Variants in CAST observed in about 807,000 individuals in gnomAD.
CAST encodes MIR583 host.
A neutral mutation model predicts 119.6 loss-of-function variants in CAST; 76 were observed. The ratio of observed to expected loss-of-function variants is 0.64; its 90% CI spans 0.53 to 0.77. The LOEUF (loss-of-function observed/expected upper bound fraction) is 0.77, where lower values mean the gene tolerates loss of function less well. CAST is among the 30% of genes least tolerant of loss of function. CAST has a pLI of 0.00. For missense variants in CAST, 953 were observed against 946.5 expected (o/e 1.01, Z -0.09); for synonymous variants, 319 against 331.6 (o/e 0.96, Z 0.41).
the CAST span, among the ~76,000 whole-genome samples, chr5:96,023,157 C>T: frequency 3.9e-5 from 6 of 152,186 alleles, no homozygotes; most frequent in African/African-American, 1.4e-4. Context: ...ACATCCTCAA[C>T]ACCACTTCCC....
intron 1 of CAST, among the ~76,000 whole-genome samples, chr5:96,595,625 G>C (rs1237962297): frequency 6.6e-6 from 1 of 152,180 alleles, no homozygotes; most frequent in Non-Finnish European, 1.5e-5. Context: ...CTCAGGCAAG[G>C]CACTCAGTTG....
At chr5:96,627,223 C>T (rs2150200953) in intron 1 of CAST, among the ~76,000 whole-genome samples, 1 of 152,318 alleles carries the variant, frequency 6.6e-6, no homozygotes, top group East Asian at 1.9e-4. Flanking sequence ...CTTCGTACCT[C>T]TTAGCACACA....
At chr5:96,560,068 T>A (rs1411722810) in intron 1 of CAST, among the ~76,000 whole-genome samples, 1 of 152,172 alleles carries the variant, frequency 6.6e-6, no homozygotes, top group Non-Finnish European at 1.5e-5. Context: ...TACAACTATC[T>A]GATCTTTGAC....
chr5:96,419,422 T>TCTCTCTCTCC, the CAST span, among the ~76,000 whole-genome samples: 1 of 144,026 alleles, frequency 6.9e-6, no homozygotes, highest in African/African-American at 2.8e-5. Context: ...TACCTCTCTC[T>TCTCTCTCTCC]CTCTCTCTCT....
the CAST span, among the ~76,000 whole-genome samples, chr5:96,005,632 T>C: frequency 6.6e-6 from 1 of 152,216 alleles, no homozygotes; most frequent in Non-Finnish European, 1.5e-5. Flanking sequence ...GTATATCAGT[T>C]ACGTTGATTA....
At chr5:96,260,313 A>G in the CAST span, among the ~76,000 whole-genome samples, 1 of 152,312 alleles carries the variant, frequency 6.6e-6, no homozygotes, top group Admixed American at 6.5e-5. Context: ...GAATTTCTCT[A>G]GCAGCTGTTG....
intron 1 of CAST, among the ~76,000 whole-genome samples, chr5:96,599,156 T>C (rs561373917): frequency 6.6e-6 from 1 of 152,212 alleles, no homozygotes; most frequent in Non-Finnish European, 1.5e-5. Flanking sequence ...ACTTTTAGAG[T>C]ATGGCTATGT....
chr5:96,461,923 G>A, the CAST span, among the ~76,000 whole-genome samples: 80 of 152,172 alleles, frequency 5.3e-4, no homozygotes, highest in African/African-American at 1.9e-3. Context: ...GACTGTAACT[G>A]CTCACTAACC....
chr5:96,350,669 T>A, the CAST span, among the ~76,000 whole-genome samples: 1 of 152,126 alleles, frequency 6.6e-6, no homozygotes, highest in Admixed American at 6.6e-5. Context: ...GGCTTAGTGA[T>A]TTTGGGGTCC....
chr5:96,431,935 C>T, the CAST span: 1 of 698,420 alleles, frequency 1.4e-6, no homozygotes, highest in Non-Finnish European at 2.6e-6. Flanking sequence ...AGTCACACTC[C>T]CTAGGGTCCC....
At chr5:96,526,002 C>T (rs34215404), upstream of CAST, among the ~76,000 whole-genome samples, 60,298 of 151,914 alleles carry the variant, frequency 0.4, 12,197 homozygotes, top group East Asian at 0.57. Context: ...AAAACTGTTC[C>T]GTCTGGTAAT....
the CAST span, among the ~76,000 whole-genome samples, chr5:96,241,108 A>T: frequency 6.6e-6 from 1 of 151,788 alleles, no homozygotes; most frequent in Non-Finnish European, 1.5e-5. Context: ...CATGTGCACA[A>T]TGTGCAGGTT....
intron 1 of CAST, among the ~76,000 whole-genome samples, chr5:96,552,303 T>A (rs1287515343): frequency 6.6e-6 from 1 of 152,160 alleles, no homozygotes; most frequent in Non-Finnish European, 1.5e-5. Context: ...CTGAACAACC[T>A]GCTCCTGAAC....
At chr5:96,042,167 G>C in the CAST span, among the ~76,000 whole-genome samples, 1 of 152,094 alleles carries the variant, frequency 6.6e-6, no homozygotes, top group Non-Finnish European at 1.5e-5. Context: ...CAGGTAACTG[G>C]GTGGGATACA....
the CAST span, among the ~76,000 whole-genome samples, chr5:96,459,855 G>A: frequency 0.22 from 32,955 of 152,110 alleles, 3,680 homozygotes; most frequent in Middle Eastern, 0.29. Context: ...AGTTCTGAGT[G>A]TGTCTAGGTA....
chr5:96,168,539 G>A, the CAST span, among the ~76,000 whole-genome samples: 4 of 152,148 alleles, frequency 2.6e-5, no homozygotes, highest in Admixed American at 6.6e-5. Flanking sequence ...GTAGTGGAGC[G>A]GGGCAGAGCG....
chr5:96,138,460 C>CT, the CAST span, among the ~76,000 whole-genome samples: 1 of 151,886 alleles, frequency 6.6e-6, no homozygotes, highest in Non-Finnish European at 1.5e-5. Flanking sequence ...AATTCTAGGT[C>CT]TTTTGCCTTA....
chr5:96,274,227 G>C, the CAST span, among the ~76,000 whole-genome samples: 2 of 151,758 alleles, frequency 1.3e-5, no homozygotes, highest in Middle Eastern at 6.8e-3. Flanking sequence ...TCAGCCTCCT[G>C]AGTAGCTGGG....
At chr5:96,640,846 C>T (rs1214876288) in intron 1 of CAST, among the ~76,000 whole-genome samples, 2 of 152,196 alleles carry the variant, frequency 1.3e-5, no homozygotes, top group Non-Finnish European at 2.9e-5. Context: ...CCAAAGGGGG[C>T]AGACCTTTGC....
Sources: allele counts gnomAD v4.1 joint callset (sites outside exome capture counted in the v4.1 genomes callset), GRCh38; gene constraint gnomAD v4.1.1; transcripts MANE v1.5; gene names NCBI Gene and HGNC (gene_info 2026-07-23, HGNC 2026-07-21).